The following GPR158 variants were observed in gnomAD, a reference collection of about 807,000 sequenced individuals.
GPR158 encodes metabotropic glycine receptor.
Under a neutral mutation model 78.2 loss-of-function variants are expected in GPR158, and 30 were observed. The ratio of observed to expected loss-of-function variants is 0.38; its 90% CI spans 0.29 to 0.52. The LOEUF is 0.52. Ranked by LOEUF, GPR158 falls within the 20% of genes least tolerant of loss-of-function variation. GPR158 has a pLI of 0.83. For missense variants in GPR158, 1,463 were observed against 1,523.5 expected (o/e 0.96, Z 0.66); for synonymous variants, 581 against 591.1 (o/e 0.98, Z 0.25).
chr10:25,476,788 A>C (rs1007920363), intron 5 of GPR158, among the ~76,000 whole-genome samples: 1 of 152,134 alleles, frequency 6.6e-6, no homozygotes, highest in African/African-American at 2.4e-5. Flanking sequence ...GAGGCTGGGA[A>C]GGCCCATGTT....
intron 5 of GPR158, among the ~76,000 whole-genome samples, chr10:25,513,616 C>A (rs1333806162): frequency 6.6e-6 from 1 of 151,600 alleles, no homozygotes; most frequent in Non-Finnish European, 1.5e-5. Flanking sequence ...CCTAAAATTG[C>A]CTATTTGTGC....
chr10:25,367,631 T>C (rs1211729682), intron 2 of GPR158, among the ~76,000 whole-genome samples: 2 of 146,874 alleles, frequency 1.4e-5, no homozygotes, highest in South Asian at 2.2e-4. Flanking sequence ...ATATTTTCTT[T>C]AATTTATCTC....
chr10:25,319,026 T>C (rs963827162), intron 2 of GPR158, among the ~76,000 whole-genome samples: 7 of 152,184 alleles, frequency 4.6e-5, no homozygotes, highest in African/African-American at 9.7e-5. Context: ...CTAAATTGTT[T>C]GGTATAATGT....
chr10:25,373,096 G>A (rs1323509976), intron 2 of GPR158, among the ~76,000 whole-genome samples: 3 of 151,880 alleles, frequency 2.0e-5, no homozygotes, highest in Admixed American at 6.6e-5. Flanking sequence ...TGGTGCATAT[G>A]TGCTGTGGAA....
At chr10:25,377,770 A>T (rs1477012906) in intron 2 of GPR158, among the ~76,000 whole-genome samples, 5 of 152,080 alleles carry the variant, frequency 3.3e-5, no homozygotes, top group Non-Finnish European at 5.9e-5. Flanking sequence ...TTATTTATCC[A>T]TTCGTCAGCT....
intron 7 of GPR158, among the ~76,000 whole-genome samples, chr10:25,583,023 G>A (rs1403287011): frequency 1.3e-5 from 2 of 152,304 alleles, no homozygotes; most frequent in Admixed American, 1.3e-4. Context: ...GGGAGCACTG[G>A]TCAGGAACTA....
At chr10:25,297,890 T>C (rs923428802) in intron 2 of GPR158, among the ~76,000 whole-genome samples, 1 of 152,188 alleles carries the variant, frequency 6.6e-6, no homozygotes, top group Middle Eastern at 3.2e-3. Context: ...TGCTATACAT[T>C]GGAAAGAGCA....
At chr10:25,310,846 G>A (rs1364496774) in intron 2 of GPR158, among the ~76,000 whole-genome samples, 1 of 151,936 alleles carries the variant, frequency 6.6e-6, no homozygotes, top group Non-Finnish European at 1.5e-5. Flanking sequence ...ACTTGTAAGA[G>A]TTGTATTTAT....
chr10:25,418,408 C>A (rs1834693540), intron 4 of GPR158, among the ~76,000 whole-genome samples: 1 of 152,092 alleles, frequency 6.6e-6, no homozygotes, highest in Admixed American at 6.6e-5. Context: ...AATTAAAATT[C>A]ACTCTGCAGA....
chr10:25,512,778 A>G (rs927873558), intron 5 of GPR158, among the ~76,000 whole-genome samples: 2 of 151,700 alleles, frequency 1.3e-5, no homozygotes, highest in Non-Finnish European at 2.9e-5. Flanking sequence ...TTCTATGTCT[A>G]TTGACATGAT....
At chr10:25,314,293 G>T (rs1469872481) in intron 2 of GPR158, among the ~76,000 whole-genome samples, 1 of 151,992 alleles carries the variant, frequency 6.6e-6, no homozygotes, top group Admixed American at 6.6e-5. Flanking sequence ...TAGAGACGGG[G>T]TTTCACCATG....
intron 2 of GPR158, among the ~76,000 whole-genome samples, chr10:25,253,588 T>A (rs1853846124): frequency 6.6e-6 from 1 of 152,222 alleles, no homozygotes; most frequent in South Asian, 2.1e-4. Flanking sequence ...TATAATTATC[T>A]AATTTTTACA....
intron 2 of GPR158, among the ~76,000 whole-genome samples, chr10:25,323,656 G>A (rs1854987759): frequency 6.6e-6 from 1 of 151,462 alleles, no homozygotes; most frequent in East Asian, 1.9e-4. Context: ...TAGTACTGTA[G>A]GTGTGCACCA....
intron 3 of GPR158, among the ~76,000 whole-genome samples, chr10:25,402,408 T>C (rs1236421463): frequency 6.6e-6 from 1 of 152,082 alleles, no homozygotes; most frequent in Non-Finnish European, 1.5e-5. Context: ...ATTCTGGCAA[T>C]TGATGAAATT....
At chr10:25,311,791 T>A (rs7099534) in intron 2 of GPR158, among the ~76,000 whole-genome samples, 30,742 of 151,940 alleles carry the variant, frequency 0.2, 5,254 homozygotes, top group African/African-American at 0.47. Flanking sequence ...TTAATTTTTT[T>A]AAAAGGACAG....
intron 6 of GPR158, among the ~76,000 whole-genome samples, chr10:25,559,890 T>C (rs1340671022): frequency 1.3e-5 from 2 of 152,226 alleles, no homozygotes; most frequent in African/African-American, 4.8e-5. Flanking sequence ...ACTCTTCTGA[T>C]CTGTAACAGG....
intron 2 of GPR158, among the ~76,000 whole-genome samples, chr10:25,364,961 T>A (rs1456439661): frequency 6.6e-6 from 1 of 151,860 alleles, no homozygotes; most frequent in Non-Finnish European, 1.5e-5. Context: ...AAGGGCTTGC[T>A]TTAATAATAA....
chr10:25,520,791 G>T (rs1218565335), intron 5 of GPR158, among the ~76,000 whole-genome samples: 5 of 152,222 alleles, frequency 3.3e-5, no homozygotes, highest in Admixed American at 6.5e-5. Context: ...GTCAGACAGG[G>T]ACAGCAGAGG....
chr10:25,545,260 T>C (rs545225599), intron 5 of GPR158, among the ~76,000 whole-genome samples: 1 of 152,322 alleles, frequency 6.6e-6, no homozygotes, highest in Admixed American at 6.5e-5. Context: ...TTTCTGGTTC[T>C]AGATCCTTGA....
Sources: gnomAD v4.1 joint callset for allele counts (sites outside exome capture counted in the v4.1 genomes callset) on GRCh38, gnomAD v4.1.1 for gene constraint, MANE v1.5 for transcripts, NCBI Gene and HGNC (gene_info 2026-07-23, HGNC 2026-07-21) for gene names.